OSBPL1A: variants seen among roughly 807,000 people sequenced by gnomAD.
The protein encoded by OSBPL1A is oxysterol-binding protein-related protein 1.
A neutral mutation model predicts 137.1 loss-of-function variants in OSBPL1A; 80 were observed. That is an observed-to-expected ratio of 0.58 (90% CI 0.49 to 0.70). The LOEUF (loss-of-function observed/expected upper bound fraction) is 0.70. Ranked by LOEUF, OSBPL1A falls within the 30% of genes least tolerant of loss-of-function variation. The pLI is 0.00. For synonymous variants in OSBPL1A, 365 were observed against 389.7 expected (o/e 0.94, Z 0.75); for missense variants, 970 against 1,129.4 (o/e 0.86, Z 2.02).
intron 4 of OSBPL1A, among the ~76,000 whole-genome samples, chr18:24,363,110 A>G (rs1405131364): frequency 6.6e-6 from 1 of 152,252 alleles, no homozygotes; most frequent in Non-Finnish European, 1.5e-5. Context: ...GCTTGCTAGC[A>G]TGAGGCTGCT....
At chr18:24,174,231 C>T (rs780989107) in intron 21 of OSBPL1A, among the ~76,000 whole-genome samples, 1 of 152,146 alleles carries the variant, frequency 6.6e-6, no homozygotes, top group African/African-American at 2.4e-5. Context: ...TTCCATTTCT[C>T]TAAGGCAAAT....
At chr18:24,317,540 A>G (rs2090759451) in intron 9 of OSBPL1A, 140 bp from the exon 10 acceptor site, 4 of 699,350 alleles carry the variant, frequency 5.7e-6, no homozygotes, top group Admixed American at 5.0e-5. Flanking sequence ...ATGATCAAAC[A>G]TGAACTTAGG....
intron 15 of OSBPL1A, among the ~76,000 whole-genome samples, chr18:24,275,852 C>T (rs902134712): frequency 3.3e-5 from 5 of 152,114 alleles, no homozygotes; most frequent in South Asian, 2.1e-4. Flanking sequence ...CTCAGCCTCC[C>T]GAGTAGCTGG....
chr18:24,318,018 C>T (rs2090767828), intron 9 of OSBPL1A, among the ~76,000 whole-genome samples: 2 of 151,886 alleles, frequency 1.3e-5, no homozygotes, highest in Non-Finnish European at 1.5e-5. Context: ...AATGTATTTT[C>T]CCCCCACTCC....
chr18:24,338,794 A>G (rs1246249772), intron 5 of OSBPL1A, among the ~76,000 whole-genome samples: 1 of 151,930 alleles, frequency 6.6e-6, no homozygotes, highest in Non-Finnish European at 1.5e-5. Flanking sequence ...GCTCACTGCA[A>G]CCTCCACCTC....
intron 16 of OSBPL1A, 58 bp from the exon 17 acceptor site, chr18:24,225,256 C>G: frequency 6.3e-7 from 1 of 1,580,196 alleles, no homozygotes; most frequent in East Asian, 2.2e-5. Flanking sequence ...GCTTCCGTAA[C>G]AATGGATCCC....
intron 21 of OSBPL1A, among the ~76,000 whole-genome samples, chr18:24,176,683 T>C (rs2086456630): frequency 6.6e-6 from 1 of 152,360 alleles, no homozygotes; most frequent in East Asian, 1.9e-4. Flanking sequence ...ACTCTCCTCC[T>C]GTGAGCTTTC....
chr18:24,384,994 G>A (rs1373381593), intron 1 of OSBPL1A, among the ~76,000 whole-genome samples: 10 of 147,514 alleles, frequency 6.8e-5, no homozygotes, highest in South Asian at 6.4e-4. Flanking sequence ...TTGCTCTGTT[G>A]GCCAGGCTGG....
chr18:24,211,303 C>T (rs1389376718), intron 17 of OSBPL1A, among the ~76,000 whole-genome samples: 1 of 152,070 alleles, frequency 6.6e-6, no homozygotes, highest in Non-Finnish European at 1.5e-5. Context: ...ACTGTATTTT[C>T]CAAAACAAAA....
chr18:24,343,824 T>C (rs1381949193), intron 4 of OSBPL1A, among the ~76,000 whole-genome samples: 3 of 152,136 alleles, frequency 2.0e-5, no homozygotes, highest in African/African-American at 7.2e-5. Flanking sequence ...TAACTCGATA[T>C]AGGTCAAACA....
intron 18 of OSBPL1A, among the ~76,000 whole-genome samples, chr18:24,194,122 C>T (rs1276688137): frequency 6.6e-6 from 1 of 152,182 alleles, no homozygotes; most frequent in Non-Finnish European, 1.5e-5. Flanking sequence ...AGAAAGGAAT[C>T]AGTCAACAGA....
chr18:24,310,037 ACT>A (rs2090584572), intron 13 of OSBPL1A, among the ~76,000 whole-genome samples: 1 of 135,464 alleles, frequency 7.4e-6, no homozygotes, highest in South Asian at 2.4e-4. Context: ...ACAGAGCAAG[ACT>A]CTGTCTCAAA....
intron 4 of OSBPL1A, among the ~76,000 whole-genome samples, chr18:24,365,568 A>G (rs1272747007): frequency 1.3e-5 from 2 of 150,232 alleles, no homozygotes; most frequent in Non-Finnish European, 2.9e-5. Flanking sequence ...TGGGCGACAG[A>G]GCAAGACTCG....
intron 13 of OSBPL1A, 73 bp from the exon 14 acceptor site, chr18:24,303,791 T>G: frequency 7.8e-7 from 1 of 1,287,672 alleles, no homozygotes; most frequent in South Asian, 1.2e-5. Flanking sequence ...TTAGTGTTTC[T>G]ATCAAAACTT....
intron 15 of OSBPL1A, among the ~76,000 whole-genome samples, chr18:24,253,322 CTATAAT>C (rs1430026828): frequency 1.3e-5 from 2 of 152,034 alleles, no homozygotes; most frequent in Non-Finnish European, 1.5e-5. Flanking sequence ...GTAGGAGTAG[CTATAAT>C]TATATCAGAC....
rs2086379688 is a variant in OSBPL1A at position 24,174,761 on chromosome 18, A to T, written c.2094-2278T>A. On this transcript the variant is annotated intron_variant, in intron 21 of 27. Coordinates refer to ENST00000319481, the MANE Select transcript of OSBPL1A (RefSeq NM_080597.4). ...TCTCTAATAACTGATGCTGTTGAAC[A>T]TCTTTTTAAATTTTTATTTATTTTT... 2.0e-5 allele frequency among the ~76,000 whole-genome samples: 3 copies of T among 151,990 alleles called. 1 individual carries two copies. The highest frequency in any genetic ancestry group is 4.1e-4 in the South Asian group (2 of 4,830).
intron 26 of OSBPL1A, among the ~76,000 whole-genome samples, chr18:24,166,022 A>T (rs1397964829): frequency 6.6e-6 from 1 of 152,172 alleles, no homozygotes; most frequent in Non-Finnish European, 1.5e-5. Flanking sequence ...GCTCGAACCC[A>T]GGAGGTGGAG....
intron 4 of OSBPL1A, among the ~76,000 whole-genome samples, chr18:24,359,448 G>A (rs1001744587): frequency 1.3e-5 from 2 of 151,992 alleles, no homozygotes; most frequent in African/African-American, 4.8e-5. Context: ...CCTGTGATCC[G>A]AGAACTTTGG....
chr18:24,183,510 G>GAAAC (rs1244402658), intron 18 of OSBPL1A, among the ~76,000 whole-genome samples: 1 of 150,240 alleles, frequency 6.7e-6, no homozygotes, highest in African/African-American at 2.5e-5. Flanking sequence ...TCGGCTCACT[G>GAAAC]AAACCTCCAC....
Sources: allele counts gnomAD v4.1 joint callset (sites outside exome capture counted in the v4.1 genomes callset), GRCh38; gene constraint gnomAD v4.1.1; transcripts MANE v1.5; gene names NCBI Gene and HGNC (gene_info 2026-07-23, HGNC 2026-07-21).